Variants in CHIC2 observed in about 807,000 individuals in gnomAD.
CHIC2 encodes the protein cysteine rich hydrophobic domain 2, also known as cysteine-rich hydrophobic domain-containing protein 2.
Under a neutral mutation model 25.9 loss-of-function variants are expected in CHIC2, and 14 were observed. The ratio of observed to expected loss-of-function variants is 0.54; its 90% confidence interval spans 0.36 to 0.85. CHIC2 has a LOEUF of 0.85. Ranked by LOEUF, CHIC2 falls within the 40% of genes least tolerant of loss-of-function variation. The pLI is 0.01. For synonymous variants in CHIC2, 70 were observed against 72.0 expected, an observed-to-expected ratio of 0.97 and a Z score of 0.14; for missense variants, 146 against 202.0, an observed-to-expected ratio of 0.72 and a Z score of 1.68.
At chr4:54,019,436 T>A (rs1334157924) in intron 3 of CHIC2, among the ~76,000 whole-genome samples, 1 of 152,146 alleles carries the variant, frequency 6.6e-6, no homozygotes. Context: ...CTAAAAAAAA[T>A]TGCTAAAATT....
chr4:54,063,574 AGTT>A (rs577772455), intron 1 of CHIC2, among the ~76,000 whole-genome samples: 3 of 152,188 alleles, frequency 2.0e-5, no homozygotes, highest in African/African-American at 7.2e-5. Flanking sequence ...TCCCTCACGT[AGTT>A]GTTGTTGTTG....
chr4:54,032,482 G>A lies in CHIC2; in HGVS notation c.330+16473C>T, dbSNP rs1031997418. ...GGGGTTTCGCTGTGTTGGCCGGGCC[G>A]GTCTCCAGCTCCTAACCGCGAGTGA... On this transcript the variant is annotated intron_variant, in intron 3 of 5. Coordinates refer to ENST00000263921, the MANE Select transcript of CHIC2 (RefSeq NM_012110.4). 9.2e-5 allele frequency among the ~76,000 whole-genome samples: 14 copies of A among 152,218 alleles called. No homozygotes were observed. The East Asian group carries it at 2.3e-3, about 25-fold the overall frequency.
chr4:54,063,716 A>T (rs1280385584), intron 1 of CHIC2, among the ~76,000 whole-genome samples: 1 of 152,252 alleles, frequency 6.6e-6, no homozygotes, highest in Non-Finnish European at 1.5e-5. Context: ...ACCTGTGGGT[A>T]TGTGTGAAAT....
chr4:54,069,680 G>A, the CHIC2 span, among the ~76,000 whole-genome samples: 16 of 152,196 alleles, frequency 1.1e-4, 1 homozygote, highest in Non-Finnish European at 2.2e-4. Flanking sequence ...AATACAGAAA[G>A]ACATTGCTTT....
At chr4:54,044,356 C>T (rs1052761655) in intron 3 of CHIC2, among the ~76,000 whole-genome samples, 6 of 152,196 alleles carry the variant, frequency 3.9e-5, no homozygotes, top group African/African-American at 7.2e-5. Flanking sequence ...ACATTCCTTT[C>T]GGCACCACAC....
intron 3 of CHIC2, among the ~76,000 whole-genome samples, chr4:54,022,837 A>G (rs527445004): frequency 2.6e-5 from 4 of 152,164 alleles, no homozygotes; most frequent in Non-Finnish European, 5.9e-5. Context: ...GCCTGTTATC[A>G]CTTGCCTGTT....
At chr4:54,024,606 C>T (rs929541688) in intron 3 of CHIC2, among the ~76,000 whole-genome samples, 1 of 152,028 alleles carries the variant, frequency 6.6e-6, no homozygotes, top group Non-Finnish European at 1.5e-5. Context: ...AAGGGGACTC[C>T]GTATATTTTT....
intron 1 of CHIC2, chr4:54,059,505 C>T (rs1717269499): frequency 6.6e-6 from 1 of 151,680 alleles, no homozygotes; most frequent in Admixed American, 6.6e-5. Context: ...CAGGCCCCTG[C>T]CCACCAGCTT....
intron 3 of CHIC2, among the ~76,000 whole-genome samples, chr4:54,045,486 T>C (rs563739896): frequency 6.6e-6 from 1 of 152,308 alleles, no homozygotes; most frequent in East Asian, 1.9e-4. Flanking sequence ...GATGCAAGGC[T>C]GGTTCAACAT....
At chr4:54,063,828 C>A (rs144501638) in intron 1 of CHIC2, among the ~76,000 whole-genome samples, 1 of 152,338 alleles carries the variant, frequency 6.6e-6, no homozygotes, top group African/African-American at 2.4e-5. Flanking sequence ...CAGACAACCA[C>A]AGGGTAACTG....
intron 1 of CHIC2, among the ~76,000 whole-genome samples, chr4:54,063,553 CAG>C (rs1478597894): frequency 1.3e-5 from 2 of 152,258 alleles, no homozygotes. Context: ...GTAACCTGAG[CAG>C]AGTGTATGTC....
the CHIC2 span, chr4:54,087,353 C>A: frequency 3.5e-6 from 2 of 567,908 alleles, no homozygotes; most frequent in East Asian, 3.0e-5. Context: ...CAAGCAGAAG[C>A]AGCTGTTTTA....
chr4:54,019,352 T>A (rs1010011548), intron 3 of CHIC2, among the ~76,000 whole-genome samples: 2 of 152,156 alleles, frequency 1.3e-5, no homozygotes, highest in African/African-American at 4.8e-5. Context: ...TTTTAAATAA[T>A]CTAGATATAT....
intron 3 of CHIC2, 55 bp downstream of exon 3, chr4:54,048,900 G>C (rs780078967): frequency 1.6e-4 from 218 of 1,376,148 alleles, no homozygotes; most frequent in Non-Finnish European, 1.9e-4. Flanking sequence ...CTAGATAAAT[G>C]CAAGACTTGC....
intron 3 of CHIC2, among the ~76,000 whole-genome samples, chr4:54,018,382 T>C (rs1167656892): frequency 6.6e-6 from 1 of 152,134 alleles, no homozygotes; most frequent in Non-Finnish European, 1.5e-5. Context: ...AAATTATTAA[T>C]ATTATTCCCT....
intron 3 of CHIC2, among the ~76,000 whole-genome samples, chr4:54,042,178 AGCAAGTC>A (rs1169531923): frequency 3.3e-5 from 5 of 152,204 alleles, no homozygotes; most frequent in Admixed American, 2.6e-4. Flanking sequence ...TTTTTTAAAA[AGCAAGTC>A]ATGTTTGTTT....
chr4:54,089,439 A>G, the CHIC2 span, among the ~76,000 whole-genome samples: 1 of 151,768 alleles, frequency 6.6e-6, no homozygotes, highest in South Asian at 2.1e-4. Context: ...AGTGATCAAA[A>G]TATTTGATCA....
rs770389571 is a variant in CHIC2, at chr4:54,049,014, G to A, written c.271C>T (p.Leu91Phe). Reference sequence around the variant, plus strand: ...CAACCTAATGTGCAGCAGCAACAAAGGCAGCCACAAAGTAGCCAACGTACA... The same window carrying A: ...CAACCTAATGTGCAGCAGCAACAAAAGCAGCCACAAAGTAGCCAACGTACA... ...VNVRWLLCGC[L>F]CCCCTLGCSM... The change falls in exon 3 of 6, where the codon CTT (leucine) becomes TTT (phenylalanine). Residue 91 changes from leucine (L) to phenylalanine (F), a missense_variant. By Grantham distance (22) the Leu-to-Phe change is conservative. Coordinates refer to ENST00000263921, the MANE Select transcript of CHIC2 (RefSeq NM_012110.4). 3.1e-6 allele frequency: 5 copies of A among 1,609,100 alleles called. No individual in the cohort carries two copies. The African/African-American group carries it at 5.3e-5, about 17-fold the overall frequency.
At chr4:54,059,533 T>A (rs1244166316) in intron 1 of CHIC2, 1 of 151,238 alleles carries the variant, frequency 6.6e-6, no homozygotes, top group Non-Finnish European at 1.5e-5. Context: ...AGGGAAAGAT[T>A]CTGTCTCTAA....
Sources: gnomAD v4.1 joint callset for allele counts (sites outside exome capture counted in the v4.1 genomes callset) on GRCh38, gnomAD v4.1.1 for gene constraint, MANE v1.5 for transcripts, NCBI Gene and HGNC (gene_info 2026-07-23, HGNC 2026-07-21) for gene names.